The following PDE6C variants were observed in gnomAD, a reference collection of about 807,000 sequenced individuals.
PDE6C encodes the protein phosphodiesterase 6C, also known as cone cGMP-specific 3',5'-cyclic phosphodiesterase subunit alpha'.
Under a neutral mutation model 113.1 loss-of-function variants are expected in PDE6C, and 75 were observed. The ratio of observed to expected loss-of-function variants is 0.66; its 90% CI spans 0.55 to 0.80. The LOEUF (loss-of-function observed/expected upper bound fraction) is 0.80, where lower values mean the gene tolerates loss of function less well. PDE6C is among the 30% of genes least tolerant of loss of function. PDE6C has a pLI of 0.00. For missense variants in PDE6C, 912 were observed against 1,038.6 expected, an observed-to-expected ratio of 0.88 and a Z score of 1.67; for synonymous variants, 375 against 363.7, an observed-to-expected ratio of 1.03 and a Z score of -0.35.
Position 93,622,016 on chromosome 10 carries a change from T to A in PDE6C, c.808T>A (p.Ser270Thr), listed in dbSNP as rs701865. The A allele has an allele frequency of 0.37, 588,775 of 1,612,712 alleles. 109,342 individuals are homozygous for A. Among genetic ancestry groups the A allele is most frequent in the East Asian group, 0.48 (21,496 of 44,858 alleles). ...QFHKALYTVR[S>T]YLNCERYSIG... is the part of the protein sequence containing the mutation. ...TCACAAAGCGCTCTACACGGTTAGA[T>A]CATATCTGAACTGTGAACGATACTC... The change falls in exon 4 of 22, where the codon TCA becomes ACA. Residue 270 changes from serine to threonine, a missense_variant. Coordinates refer to ENST00000371447, the MANE Select transcript of PDE6C (RefSeq NM_006204.4).
chr10:93,636,772 T>C (rs962034803), intron 10 of PDE6C, among the ~76,000 whole-genome samples: 5 of 152,156 alleles, frequency 3.3e-5, no homozygotes, highest in Non-Finnish European at 1.5e-5. Context: ...ATTTTATTTA[T>C]TTACTTATTT....
intron 21 of PDE6C, 71 bp downstream of exon 21, chr10:93,663,249 A>G (rs2133879846): frequency 6.9e-7 from 1 of 1,456,624 alleles, no homozygotes; most frequent in Non-Finnish European, 9.5e-7. Flanking sequence ...GCATGTGACA[A>G]AGCCATAAAG....
At chr10:93,658,032 T>G (rs542654373) in intron 16 of PDE6C, among the ~76,000 whole-genome samples, 1 of 151,578 alleles carries the variant, frequency 6.6e-6, no homozygotes, top group Non-Finnish European at 1.5e-5. Context: ...TAGCCAGGCA[T>G]GCTGGAGCAT....
At position 93,620,789 on chromosome 10, in the gene PDE6C, T is replaced by C. The variant is rs1241458357; in HGVS notation, c.633+5T>C. 1 of 1,614,154 alleles carries C rather than the reference T, an allele frequency of 6.2e-7. No individual in the cohort carries two copies. Among genetic ancestry groups the C allele is most frequent in the South Asian group, 1.1e-5 (1 of 91,072 alleles). ...TTTTCCAAACAGGATGAAGAGGTAA[T>C]GCTAACCCTGGGCATCTGGTTGGAG... is the stretch of plus-strand genomic sequence containing the variant. On this transcript the variant is annotated splice_donor_5th_base_variant and intron_variant, in intron 2 of 21. Coordinates refer to ENST00000371447, the MANE Select transcript of PDE6C (RefSeq NM_006204.4).
Position 93,662,602 on chromosome 10 carries a change from C to T in PDE6C, c.2326C>T (p.Gln776Ter). 1 of 1,500,178 alleles carries T rather than the reference C, an allele frequency of 6.7e-7. No homozygotes were observed. Among genetic ancestry groups the T allele is most frequent in the Non-Finnish European group, 9.3e-7 (1 of 1,076,698 alleles). 92.9% of individuals were successfully genotyped at this position (1,500,178 alleles called of 1,614,324 possible). The change falls in exon 20 of 22, where the codon CAA becomes TAA. Residue 776 changes from glutamine to a stop codon, truncating the protein, a stop_gained. Coordinates refer to ENST00000371447, the MANE Select transcript of PDE6C (RefSeq NM_006204.4). LOFTEE classifies it high-confidence loss of function. ...CAAAAGAGATGAATTACCTAAACTTCAAGTTGGATTTATTGATTTTGTTTG... is the reference window on the plus strand; with the variant it reads ...CAAAAGAGATGAATTACCTAAACTTTAAGTTGGATTTATTGATTTTGTTTG... ...RNKRDELPKL[Q>*]VGFIDFVCTF...
intron 1 of PDE6C, among the ~76,000 whole-genome samples, chr10:93,616,048 T>C (rs1438498239): frequency 6.6e-6 from 1 of 152,350 alleles, no homozygotes; most frequent in East Asian, 1.9e-4. Context: ...TAGAAACCAA[T>C]GTTTCAAATG....
chr10:93,617,624 A>G (rs570332780), intron 1 of PDE6C, among the ~76,000 whole-genome samples: 2 of 152,262 alleles, frequency 1.3e-5, no homozygotes, highest in East Asian at 1.9e-4. Flanking sequence ...AAATACAAAA[A>G]TTAGCCAGGT....
intron 18 of PDE6C, among the ~76,000 whole-genome samples, chr10:93,659,749 A>C (rs1278921568): frequency 6.6e-6 from 1 of 152,192 alleles, no homozygotes; most frequent in African/African-American, 2.4e-5. Flanking sequence ...ATGAATTGGG[A>C]ATTATGGGAA....
At chr10:93,633,996 A>G (rs1482997723) in intron 8 of PDE6C, among the ~76,000 whole-genome samples, 1 of 151,992 alleles carries the variant, frequency 6.6e-6, no homozygotes, top group Non-Finnish European at 1.5e-5. Flanking sequence ...CAAAGTAGGA[A>G]TTGCACATCT....
At chr10:93,631,779 C>A (rs1247372026) in intron 8 of PDE6C, among the ~76,000 whole-genome samples, 3 of 152,196 alleles carry the variant, frequency 2.0e-5, no homozygotes, top group African/African-American at 7.2e-5. Context: ...GATAGACAAG[C>A]CAATGATATA....
chr10:93,613,599 G>A (rs923161839), intron 1 of PDE6C, among the ~76,000 whole-genome samples: 11 of 152,134 alleles, frequency 7.2e-5, no homozygotes, highest in African/African-American at 1.9e-4. Flanking sequence ...ATGGGCCAAC[G>A]TGCCCAGATG....
intron 18 of PDE6C, 126 bp downstream of exon 18, chr10:93,659,293 T>C (rs2058655439): frequency 4.3e-6 from 3 of 699,836 alleles, no homozygotes; most frequent in South Asian, 1.7e-5. Flanking sequence ...AGTGAGACAG[T>C]AGGCAATTTG....
At chr10:93,636,872 A>T in intron 10 of PDE6C, 123 bp from the exon 11 acceptor site, 2 of 682,024 alleles carry the variant, frequency 2.9e-6, no homozygotes. Context: ...GGCTCCAGGG[A>T]TCTTCCCGCC....
Position 93,635,667 on chromosome 10 carries a change from C to T in PDE6C, c.1413+27C>T, listed in dbSNP as rs778696336. 7 of 1,609,958 alleles carry T rather than the reference C, an allele frequency of 4.3e-6. No homozygotes were observed. In the South Asian group the frequency reaches 7.7e-5, roughly 18 times the overall value. On this transcript the variant is annotated intron_variant, in intron 10 of 21. Coordinates refer to ENST00000371447, the MANE Select transcript of PDE6C (RefSeq NM_006204.4). Reference sequence around the variant, plus strand: ...TAAGTGGGAAATTCAGTCCTGTGGACATAAGATGTTACCTAACCACATATT... The same window carrying T: ...TAAGTGGGAAATTCAGTCCTGTGGATATAAGATGTTACCTAACCACATATT...
chr10:93,643,574 A>G (rs1306302999), intron 14 of PDE6C, among the ~76,000 whole-genome samples: 6 of 151,726 alleles, frequency 4.0e-5, no homozygotes, highest in Non-Finnish European at 1.5e-5. Flanking sequence ...TTGTTTTTGT[A>G]GAGACAGGGC....
intron 16 of PDE6C, among the ~76,000 whole-genome samples, chr10:93,657,876 G>C (rs1436578293): frequency 1.3e-5 from 2 of 152,134 alleles, no homozygotes; most frequent in East Asian, 3.9e-4. Context: ...CACACACAGT[G>C]TGCAAGAGTT....
intron 16 of PDE6C, among the ~76,000 whole-genome samples, chr10:93,658,169 CAAAAAAAAA>C (rs71031527): frequency 3.3e-5 from 2 of 59,888 alleles, no homozygotes; most frequent in African/African-American, 1.3e-4. Flanking sequence ...GATTCTGTCT[CAAAAAAAAA>C]AAAAAAAAAA....
chr10:93,658,880 T>C, intron 16 of PDE6C, 21 bp from the exon 17 acceptor site: 1 of 1,399,850 alleles, frequency 7.1e-7, no homozygotes. Context: ...AAATTGTTGC[T>C]CACAGCTGTA....
chr10:93,649,464 C>T (rs1006500504), intron 15 of PDE6C, among the ~76,000 whole-genome samples: 9 of 152,182 alleles, frequency 5.9e-5, no homozygotes, highest in African/African-American at 1.9e-4. Flanking sequence ...TAATGAACCT[C>T]ATTGCAGTCA....
Sources: allele counts gnomAD v4.1 joint callset (sites outside exome capture counted in the v4.1 genomes callset), GRCh38; gene constraint gnomAD v4.1.1; transcripts MANE v1.5; gene names NCBI Gene and HGNC (gene_info 2026-07-23, HGNC 2026-07-21).